Variants in FAF1 observed in about 807,000 individuals in gnomAD.
FAF1 encodes the protein FAS-associated factor 1.
A neutral mutation model predicts 92.5 loss-of-function variants in FAF1; 25 were observed. The ratio of observed to expected loss-of-function variants is 0.27; its 90% CI spans 0.20 to 0.38. The LOEUF is 0.38. Among genes scored for constraint, FAF1 ranks in the 10% least tolerant of loss-of-function variants. The pLI, the probability that FAF1 is intolerant of heterozygous loss-of-function variation, is 1.00. For synonymous variants in FAF1, 234 were observed against 273.2 expected, an observed-to-expected ratio of 0.86 and a Z score of 1.42; for missense variants, 636 against 793.3, an observed-to-expected ratio of 0.80 and a Z score of 2.38.
intron 14 of FAF1, among the ~76,000 whole-genome samples, chr1:50,538,958 T>C (rs1296797059): frequency 1.3e-5 from 2 of 152,198 alleles, no homozygotes; most frequent in East Asian, 1.9e-4. Flanking sequence ...CCCAGTGGCA[T>C]AGAGAAGATA....
At chr1:50,453,003 C>T (rs147527508) in intron 18 of FAF1, among the ~76,000 whole-genome samples, 61 of 152,298 alleles carry the variant, frequency 4.0e-4, no homozygotes, top group African/African-American at 1.4e-3. Context: ...CTGTCCTGCT[C>T]CTTCTCAAAG....
chr1:50,816,972 GT>G (rs1643983275), intron 2 of FAF1, among the ~76,000 whole-genome samples: 1 of 152,074 alleles, frequency 6.6e-6, no homozygotes, highest in Non-Finnish European at 1.5e-5. Context: ...TTGTTAACTG[GT>G]TGAAGATTAG....
At chr1:50,938,828 G>T (rs986786231) in intron 1 of FAF1, among the ~76,000 whole-genome samples, 2 of 152,070 alleles carry the variant, frequency 1.3e-5, no homozygotes, top group African/African-American at 4.8e-5. Flanking sequence ...ATTGAATAAG[G>T]GGTCCTCTCC....
intron 12 of FAF1, among the ~76,000 whole-genome samples, chr1:50,582,052 G>T (rs186289178): frequency 2.4e-4 from 37 of 151,598 alleles, no homozygotes; most frequent in South Asian, 6.3e-4. Flanking sequence ...TTGGGGGGGT[G>T]GGCAGGGGCC....
At chr1:50,530,279 GTATA>G (rs1268955930) in intron 15 of FAF1, among the ~76,000 whole-genome samples, 33 of 144,780 alleles carry the variant, frequency 2.3e-4, no homozygotes, top group African/African-American at 5.5e-4. Context: ...GTGTGTGTAT[GTATA>G]TATGTATATA....
chr1:50,938,687 T>A (rs1645106433), intron 1 of FAF1, among the ~76,000 whole-genome samples: 1 of 152,192 alleles, frequency 6.6e-6, no homozygotes, highest in African/African-American at 2.4e-5. Context: ...GGTTTTCTTC[T>A]ACTAGGATTT....
chr1:50,605,603 T>C (rs535210771), intron 8 of FAF1, among the ~76,000 whole-genome samples: 8 of 152,122 alleles, frequency 5.3e-5, no homozygotes, highest in African/African-American at 1.9e-4. Flanking sequence ...ATCCACACTG[T>C]GAATTAAAAT....
intron 4 of FAF1, among the ~76,000 whole-genome samples, chr1:50,767,776 C>CT (rs767045981): frequency 7.9e-5 from 12 of 152,146 alleles, no homozygotes; most frequent in Non-Finnish European, 1.6e-4. Context: ...CGAGACCTGC[C>CT]TTATAGACAC....
intron 18 of FAF1, among the ~76,000 whole-genome samples, chr1:50,455,929 CGGGCA>C (rs1481046218): frequency 6.6e-6 from 1 of 151,936 alleles, no homozygotes; most frequent in Non-Finnish European, 1.5e-5. Flanking sequence ...ATAAATTAGC[CGGGCA>C]GTAGATGGCA....
At chr1:50,565,258 G>A (rs1320394414) in intron 13 of FAF1, among the ~76,000 whole-genome samples, 3 of 152,022 alleles carry the variant, frequency 2.0e-5, no homozygotes, top group East Asian at 3.9e-4. Flanking sequence ...CCCATTTGTG[G>A]TTCCTATAAA....
intron 1 of FAF1, among the ~76,000 whole-genome samples, chr1:50,948,853 G>T (rs190505931): frequency 6.6e-6 from 1 of 152,072 alleles, no homozygotes; most frequent in South Asian, 2.1e-4. Flanking sequence ...CAGATCTCAC[G>T]TGAACTAACT....
chr1:50,600,402 C>T (rs1361114402), intron 8 of FAF1, among the ~76,000 whole-genome samples: 4 of 152,044 alleles, frequency 2.6e-5, no homozygotes, highest in East Asian at 1.9e-4. Context: ...AACTGTGAGG[C>T]AGACCAATGT....
chr1:50,909,701 C>A (rs928169730), intron 1 of FAF1, among the ~76,000 whole-genome samples: 46 of 152,318 alleles, frequency 3.0e-4, no homozygotes, highest in African/African-American at 1.1e-3. Context: ...TCATGTAGTT[C>A]TCATGCCATG....
At chr1:50,505,461 T>C (rs747815058) in intron 15 of FAF1, among the ~76,000 whole-genome samples, 2 of 152,136 alleles carry the variant, frequency 1.3e-5, no homozygotes, top group Non-Finnish European at 2.9e-5. Context: ...AAAGAGATGA[T>C]ATAATGGTCA....
intron 15 of FAF1, among the ~76,000 whole-genome samples, chr1:50,493,057 G>A (rs187389319): frequency 0.014 from 2,069 of 149,870 alleles, 53 homozygotes; most frequent in African/African-American, 0.047. Flanking sequence ...TTTTGAGGGG[G>A]AGTCTTGCTC....
At chr1:50,680,093 C>A (rs893955380) in intron 7 of FAF1, among the ~76,000 whole-genome samples, 1 of 152,112 alleles carries the variant, frequency 6.6e-6, no homozygotes, top group Non-Finnish European at 1.5e-5. Flanking sequence ...ATTAGGAAAT[C>A]TTAAAATATT....
intron 8 of FAF1, among the ~76,000 whole-genome samples, chr1:50,632,085 T>C (rs1269494690): frequency 6.6e-6 from 1 of 152,164 alleles, no homozygotes; most frequent in Non-Finnish European, 1.5e-5. Flanking sequence ...CACCTGAGAA[T>C]AAGGGGGACT....
chr1:50,492,260 C>T (rs145033025), intron 15 of FAF1, among the ~76,000 whole-genome samples: 2 of 152,108 alleles, frequency 1.3e-5, no homozygotes, highest in Admixed American at 1.3e-4. Flanking sequence ...GGAGGGAGAA[C>T]AAAGACTAGG....
At chr1:50,482,748 C>T (rs575629678) in intron 17 of FAF1, among the ~76,000 whole-genome samples, 4 of 152,258 alleles carry the variant, frequency 2.6e-5, no homozygotes, top group East Asian at 1.9e-4. Context: ...ATCTCCCTAA[C>T]GGCTAAAAAT....
Sources: allele counts gnomAD v4.1 joint callset (sites outside exome capture counted in the v4.1 genomes callset), GRCh38; gene constraint gnomAD v4.1.1; transcripts MANE v1.5; gene names NCBI Gene and HGNC (gene_info 2026-07-23, HGNC 2026-07-21).